Variants in FARS2 observed in about 807,000 individuals in gnomAD.
FARS2 encodes the protein phenylalanyl-tRNA synthetase 2, mitochondrial, also known as phenylalanine--tRNA ligase, mitochondrial.
A neutral mutation model predicts 46.4 loss-of-function variants in FARS2; 40 were observed. The ratio of observed to expected loss-of-function variants is 0.86; its 90% CI spans 0.67 to 1.12. FARS2 has a LOEUF of 1.12. Among genes scored for constraint, FARS2 ranks in the 50% most tolerant of loss-of-function variants. FARS2 has a pLI of 0.00. For synonymous variants in FARS2, 234 were observed against 214.9 expected (o/e 1.09, Z -0.78); for missense variants, 513 against 567.9 (o/e 0.90, Z 0.98).
At chr6:5,617,331 G>T (rs1293391803) in intron 6 of FARS2, among the ~76,000 whole-genome samples, 1 of 152,188 alleles carries the variant, frequency 6.6e-6, no homozygotes, top group African/African-American at 2.4e-5. Context: ...ATATTGTACA[G>T]ATATTTATAG....
intron 6 of FARS2, among the ~76,000 whole-genome samples, chr6:5,682,561 G>A (rs1185698863): frequency 1.3e-5 from 2 of 152,218 alleles, no homozygotes; most frequent in Non-Finnish European, 2.9e-5. Flanking sequence ...GTCCTGTGCT[G>A]GACTCCAGTT....
intron 3 of FARS2, among the ~76,000 whole-genome samples, chr6:5,407,066 TAATGACCA>T (rs1761655957): frequency 1.3e-4 from 14 of 109,642 alleles, no homozygotes; most frequent in East Asian, 1.1e-3. Flanking sequence ...TATATATATA[TAATGACCA>T]ATAAATATAT....
At chr6:5,616,010 TAAAAAAAAAAAA>T (rs11327256) in intron 6 of FARS2, among the ~76,000 whole-genome samples, 1 of 95,830 alleles carries the variant, frequency 1.0e-5, no homozygotes. Flanking sequence ...CCATAGCTCT[TAAAAAAAAAAAA>T]AAAAAAAAAA....
chr6:5,335,138 C>G (rs1038475047), intron 1 of FARS2, among the ~76,000 whole-genome samples: 2 of 152,206 alleles, frequency 1.3e-5, no homozygotes, highest in African/African-American at 4.8e-5. Context: ...TATGACTGTA[C>G]TCTAGAAAGG....
At position 5,471,786 on chromosome 6, in the gene FARS2, A is replaced by C. The variant is rs982882612; in HGVS notation, c.904+40614A>C. Among the ~76,000 whole-genome samples the C allele has an allele frequency of 1.3e-5, 2 of 152,216 alleles. No homozygotes were observed. Among genetic ancestry groups the C allele is most frequent in the African/African-American group, 4.8e-5 (2 of 41,464 alleles). ...AGGCAGGGTCTTGTCCCACCAGTGC[A>C]CATGGTGCGCCCCGTCTGACACCAG... is the stretch of plus-strand genomic sequence containing the variant. On this transcript the variant is annotated intron_variant, in intron 4 of 6. Coordinates refer to ENST00000274680, the MANE Select transcript of FARS2 (RefSeq NM_006567.5). The surrounding 1 kb of genome is among the most constrained non-coding windows in gnomAD (Gnocchi z 4.1).
upstream of FARS2, among the ~76,000 whole-genome samples, chr6:5,256,629 A>G (rs1424309014): frequency 6.6e-6 from 1 of 150,582 alleles, no homozygotes; most frequent in Admixed American, 6.6e-5. Flanking sequence ...CAGAACAGAG[A>G]GTGATGTGAC....
intron 4 of FARS2, among the ~76,000 whole-genome samples, chr6:5,508,209 T>G (rs1420472345): frequency 6.6e-6 from 1 of 152,228 alleles, no homozygotes; most frequent in Non-Finnish European, 1.5e-5. Context: ...AACCATTAAG[T>G]GCAGTGTGCA....
intron 1 of FARS2, among the ~76,000 whole-genome samples, chr6:5,346,347 A>T (rs797143): frequency 2.0e-5 from 3 of 151,982 alleles, no homozygotes; most frequent in African/African-American, 7.3e-5. Context: ...ATTTGGGTGT[A>T]ATTGCATCAT....
At chr6:5,610,018 T>A in intron 5 of FARS2, 1 of 994,298 alleles carries the variant, frequency 1.0e-6, no homozygotes, top group Non-Finnish European at 1.6e-6. Context: ...AGTGGCATAG[T>A]GACAAACCCA....
intron 6 of FARS2, among the ~76,000 whole-genome samples, chr6:5,757,526 ATT>A (rs1233448084): frequency 6.6e-6 from 1 of 152,202 alleles, no homozygotes; most frequent in Non-Finnish European, 1.5e-5. Flanking sequence ...GCAGAAGTAT[ATT>A]TTAAGATTAT....
At chr6:5,292,962 A>G (rs73365051) in intron 1 of FARS2, among the ~76,000 whole-genome samples, 3,390 of 152,330 alleles carry the variant, frequency 0.022, 86 homozygotes, top group African/African-American at 0.061. Context: ...GGGAAGGCAC[A>G]GTTCTGAAGA....
intron 5 of FARS2, among the ~76,000 whole-genome samples, chr6:5,606,521 T>C (rs1774847350): frequency 1.3e-5 from 2 of 152,040 alleles, no homozygotes; most frequent in Non-Finnish European, 2.9e-5. Flanking sequence ...ATGATACTTA[T>C]CTGAGAGAGC....
intron 1 of FARS2, among the ~76,000 whole-genome samples, chr6:5,309,108 A>T (rs1409008303): frequency 2.0e-5 from 3 of 152,226 alleles, no homozygotes; most frequent in African/African-American, 7.2e-5. Flanking sequence ...TATAGCAACT[A>T]TTTATACCAG....
chr6:5,647,741 G>A (rs914273028), intron 6 of FARS2, among the ~76,000 whole-genome samples: 1 of 152,184 alleles, frequency 6.6e-6, no homozygotes, highest in African/African-American at 2.4e-5. Context: ...ACAAAGACAG[G>A]TTAAATGCAA....
intron 4 of FARS2, among the ~76,000 whole-genome samples, chr6:5,448,546 T>G (rs1352712779): frequency 6.6e-6 from 1 of 152,090 alleles, no homozygotes; most frequent in East Asian, 1.9e-4. Context: ...TATTCACAGC[T>G]GCATGGTATT....
At chr6:5,441,015 G>A (rs761953748) in intron 4 of FARS2, among the ~76,000 whole-genome samples, 5 of 151,310 alleles carry the variant, frequency 3.3e-5, no homozygotes, top group Admixed American at 6.6e-5. Flanking sequence ...TGCATCTCCC[G>A]GCTTCAGGTG....
chr6:5,301,771 T>C (rs1768319641), intron 1 of FARS2, among the ~76,000 whole-genome samples: 1 of 148,806 alleles, frequency 6.7e-6, no homozygotes, highest in Admixed American at 6.8e-5. Flanking sequence ...GCCTGCTGGG[T>C]GACAGAGTAA....
intron 4 of FARS2, among the ~76,000 whole-genome samples, chr6:5,527,498 T>C (rs886835965): frequency 2.4e-4 from 36 of 152,260 alleles, no homozygotes; most frequent in African/African-American, 8.2e-4. Context: ...AATGAAAATA[T>C]TTCCCAACAC....
At chr6:5,711,295 A>ATGG (rs1759139281) in intron 6 of FARS2, among the ~76,000 whole-genome samples, 1 of 147,154 alleles carries the variant, frequency 6.8e-6, no homozygotes, top group African/African-American at 2.7e-5. Flanking sequence ...GGGATGGATG[A>ATGG]ATGAATGAAT....
Sources: allele counts gnomAD v4.1 joint callset (sites outside exome capture counted in the v4.1 genomes callset), GRCh38; gene constraint gnomAD v4.1.1; non-coding constraint Gnocchi (gnomAD v3.1); transcripts MANE v1.5; gene names NCBI Gene and HGNC (gene_info 2026-07-23, HGNC 2026-07-21).